The following NXPH1 variants were observed in gnomAD, a reference collection of about 807,000 sequenced individuals.
NXPH1 encodes neurexophilin 1.
A neutral mutation model predicts 23.7 loss-of-function variants in NXPH1; 5 were observed. The ratio of observed to expected loss-of-function variants is 0.21; its 90% CI spans 0.11 to 0.44. NXPH1 has a LOEUF of 0.44. Among genes scored for constraint, NXPH1 ranks in the 20% least tolerant of loss-of-function variants. NXPH1 has a pLI of 0.99. For synonymous variants in NXPH1, 144 were observed against 122.2 expected (o/e 1.18, Z -1.18); for missense variants, 324 against 321.6 (o/e 1.01, Z -0.06).
intron 2 of NXPH1, among the ~76,000 whole-genome samples, chr7:8,643,144 T>C (rs1299757223): frequency 2.0e-5 from 3 of 148,438 alleles, no homozygotes; most frequent in African/African-American, 4.9e-5. Context: ...ATTACAAGCA[T>C]GAGCCACCAT....
chr7:8,632,179 T>C (rs1820145893), intron 2 of NXPH1, among the ~76,000 whole-genome samples: 1 of 152,148 alleles, frequency 6.6e-6, no homozygotes, highest in Non-Finnish European at 1.5e-5. Flanking sequence ...TACTAATAAT[T>C]AAAATTTTCT....
chr7:8,663,188 A>G (rs545141924), intron 2 of NXPH1, among the ~76,000 whole-genome samples: 2 of 152,228 alleles, frequency 1.3e-5, no homozygotes, highest in East Asian at 1.9e-4. Flanking sequence ...GTGAGTATCT[A>G]AATTCTTACT....
At chr7:8,743,729 G>T (rs1269786439) in intron 2 of NXPH1, among the ~76,000 whole-genome samples, 1 of 151,010 alleles carries the variant, frequency 6.6e-6, no homozygotes, top group East Asian at 1.9e-4. Context: ...TGTGGCCCAG[G>T]CTGGAGTGCA....
At chr7:8,658,486 A>G (rs779240599) in intron 2 of NXPH1, among the ~76,000 whole-genome samples, 50 of 152,244 alleles carry the variant, frequency 3.3e-4, no homozygotes, top group Non-Finnish European at 6.3e-4. Flanking sequence ...CTCCAAGGAA[A>G]CTTGCTTCAT....
At chr7:8,528,049 T>A (rs1162919925) in intron 2 of NXPH1, among the ~76,000 whole-genome samples, 3 of 152,240 alleles carry the variant, frequency 2.0e-5, no homozygotes, top group African/African-American at 7.2e-5. Context: ...TACGGGTGGT[T>A]CTTTGACCTA....
At chr7:8,701,021 A>G (rs914340939) in intron 2 of NXPH1, among the ~76,000 whole-genome samples, 35 of 152,240 alleles carry the variant, frequency 2.3e-4, no homozygotes, top group African/African-American at 8.2e-4. Context: ...CCACACTTGG[A>G]AAGTTTCACC....
intron 2 of NXPH1, among the ~76,000 whole-genome samples, chr7:8,585,625 A>C (rs1818963199): frequency 6.6e-6 from 1 of 152,196 alleles, no homozygotes; most frequent in African/African-American, 2.4e-5. Flanking sequence ...GCATCCTTGC[A>C]CTCAATCTGG....
At chr7:8,742,557 G>GT (rs1780385549) in intron 2 of NXPH1, among the ~76,000 whole-genome samples, 1 of 151,952 alleles carries the variant, frequency 6.6e-6, no homozygotes, top group Non-Finnish European at 1.5e-5. Flanking sequence ...ATGTGTCTCT[G>GT]AGATATTTTG....
At chr7:8,678,816 TG>T (rs1205517455) in intron 2 of NXPH1, among the ~76,000 whole-genome samples, 1 of 151,912 alleles carries the variant, frequency 6.6e-6, no homozygotes, top group African/African-American at 2.4e-5. Flanking sequence ...TTATGTAGAG[TG>T]GTCCCACAGC....
At chr7:8,669,876 C>T (rs920185527) in intron 2 of NXPH1, among the ~76,000 whole-genome samples, 4 of 152,112 alleles carry the variant, frequency 2.6e-5, no homozygotes, top group South Asian at 2.1e-4. Context: ...TCACCTGTTT[C>T]CTTAGCTCTT....
Position 8,719,681 on chromosome 7 carries a change from G to A in NXPH1, c.55-31327G>A, listed in dbSNP as rs369092807. On this transcript the variant is annotated intron_variant, in intron 2 of 2. Coordinates refer to ENST00000405863, the MANE Select transcript of NXPH1 (RefSeq NM_152745.3). ...CATCTGCCTTAAGAGCTGTCAGCCT[G>A]CAGCCTGGCTCCAGAATCTAGGCTC... 1.4e-4 allele frequency among the ~76,000 whole-genome samples: 21 copies of A among 152,268 alleles called. No homozygotes were observed. The South Asian group carries it at 4.4e-3, about 32-fold the overall frequency.
At chr7:8,482,112 A>G (rs1236722829) in intron 2 of NXPH1, among the ~76,000 whole-genome samples, 2 of 152,208 alleles carry the variant, frequency 1.3e-5, no homozygotes, top group African/African-American at 4.8e-5. Flanking sequence ...CAACAGAGTG[A>G]AACTGCTGAA....
chr7:8,712,277 TTTTACAAGGCCATTC>T (rs1248660083), intron 2 of NXPH1, among the ~76,000 whole-genome samples: 16 of 152,198 alleles, frequency 1.1e-4, no homozygotes, highest in Non-Finnish European at 2.1e-4. Context: ...ATCCAATATT[TTTTACAAGGCCATTC>T]TCTTGAATTA....
intron 2 of NXPH1, among the ~76,000 whole-genome samples, chr7:8,617,357 A>G (rs1446963763): frequency 6.6e-6 from 1 of 152,112 alleles, no homozygotes; most frequent in Non-Finnish European, 1.5e-5. Context: ...TTGCACTCCT[A>G]TGTTTGTTGC....
At chr7:8,526,980 A>C (rs1430911477) in intron 2 of NXPH1, among the ~76,000 whole-genome samples, 3 of 152,120 alleles carry the variant, frequency 2.0e-5, no homozygotes, top group Non-Finnish European at 4.4e-5. Flanking sequence ...ACCAGTCAGG[A>C]CCACTCTGAT....
chr7:8,704,107 C>T (rs990486573), intron 2 of NXPH1, among the ~76,000 whole-genome samples: 2 of 152,058 alleles, frequency 1.3e-5, no homozygotes, highest in African/African-American at 4.8e-5. Flanking sequence ...AAACTTACTG[C>T]TATGGTTAAA....
At chr7:8,689,930 G>A (rs1430004877) in intron 2 of NXPH1, among the ~76,000 whole-genome samples, 1 of 152,124 alleles carries the variant, frequency 6.6e-6, no homozygotes, top group Non-Finnish European at 1.5e-5. Context: ...AGGACAACAG[G>A]CATAAAGCAG....
At chr7:8,642,222 G>A (rs1820328192) in intron 2 of NXPH1, among the ~76,000 whole-genome samples, 1 of 152,058 alleles carries the variant, frequency 6.6e-6, no homozygotes, top group Admixed American at 6.5e-5. Context: ...CATCATACTT[G>A]GTTGATAGTT....
intron 2 of NXPH1, among the ~76,000 whole-genome samples, chr7:8,489,256 G>A (rs972559107): frequency 3.9e-5 from 6 of 152,006 alleles, no homozygotes; most frequent in African/African-American, 1.2e-4. Context: ...CTCTGGAAAG[G>A]GGGTGGCCTT....
Sources: gnomAD v4.1 joint callset for allele counts (sites outside exome capture counted in the v4.1 genomes callset) on GRCh38, gnomAD v4.1.1 for gene constraint, MANE v1.5 for transcripts, NCBI Gene and HGNC (gene_info 2026-07-23, HGNC 2026-07-21) for gene names.